Variants in CD99L2 observed in about 807,000 individuals in gnomAD.
The protein encoded by CD99L2 is CD99 molecule like 2, also known as CD99 antigen-like protein 2.
CD99L2 carries 24 observed loss-of-function variants against 27.3 expected under a neutral mutation model. The ratio of observed to expected loss-of-function variants is 0.88; its 90% confidence interval spans 0.64 to 1.24. The LOEUF is 1.24. CD99L2 is among the 50% of genes most tolerant of loss of function. CD99L2 has a pLI of 0.00. For synonymous variants in CD99L2, 97 were observed against 87.9 expected (o/e 1.10, Z -0.58); for missense variants, 255 against 221.6 (o/e 1.15, Z -0.96).
At chrX:150,770,596 AACG>A (rs1399653019) in intron 9 of CD99L2, among the ~76,000 whole-genome samples, 31 of 112,466 alleles carry the variant, frequency 2.8e-4, no homozygotes, top group Non-Finnish European at 5.1e-4. Context: ...CAGAAATAAC[AACG>A]ACATGCAGCG....
At chrX:150,795,690 G>A (rs782460841) in intron 4 of CD99L2, among the ~76,000 whole-genome samples, 1 of 111,771 alleles carries the variant, frequency 8.9e-6, no homozygotes, top group Admixed American at 9.5e-5. Context: ...TTTTCTTCAG[G>A]GGATGGGGGT....
chrX:150,862,537 A>G (rs1323989284), intron 1 of CD99L2, among the ~76,000 whole-genome samples: 1 of 112,480 alleles, frequency 8.9e-6, no homozygotes, highest in East Asian at 2.8e-4. Context: ...CCTTGAGTTT[A>G]GCCAGTGAGA....
chrX:150,848,120 C>G (rs192252617), intron 1 of CD99L2, among the ~76,000 whole-genome samples: 340 of 107,753 alleles, frequency 3.2e-3, no homozygotes, highest in East Asian at 0.015. Flanking sequence ...GGCCCCCCCC[C>G]CCTTGTACTA....
At chrX:150,882,344 T>C (rs1213583300) in intron 1 of CD99L2, among the ~76,000 whole-genome samples, 4 of 112,441 alleles carry the variant, frequency 3.6e-5, no homozygotes, top group South Asian at 3.7e-4. Flanking sequence ...CTAGAAATAA[T>C]GTTCATCCAA....
intron 7 of CD99L2, among the ~76,000 whole-genome samples, chrX:150,784,806 C>G (rs782498139): frequency 8.9e-6 from 1 of 112,376 alleles, no homozygotes; most frequent in Non-Finnish European, 1.9e-5. Flanking sequence ...CACAGGAAGC[C>G]CAGTCTAGCA....
intron 1 of CD99L2, among the ~76,000 whole-genome samples, chrX:150,845,474 T>C (rs1009494434): frequency 9.0e-6 from 1 of 111,697 alleles, no homozygotes; most frequent in Admixed American, 9.5e-5. Context: ...TGTGTCTCCA[T>C]ATACTGTCCC....
In CD99L2 at chrX:150,766,471, A is replaced by C. The variant is rs2043314230; in HGVS notation, c.*2563T>G. Reference sequence around the variant, plus strand: ...CCCATTTCTTCCTCAGGGCCCTGGCACTGAACCCCAGCCCCTGTCCCAGAG... The same window carrying C: ...CCCATTTCTTCCTCAGGGCCCTGGCCCTGAACCCCAGCCCCTGTCCCAGAG... On this transcript the variant is annotated 3_prime_UTR_variant, in exon 11 of 11. Transcript: ENST00000370377. The C allele has an allele frequency of 9.0e-6, 1 of 111,190 alleles. No individual in the cohort carries two copies. The highest frequency in any genetic ancestry group is 9.5e-5 in the Admixed American group (1 of 10,529). The allele number at this position is 111,190 out of a possible 1,213,427, so 9.2% of individuals were successfully genotyped here.
intron 1 of CD99L2, among the ~76,000 whole-genome samples, chrX:150,853,779 T>G (rs1557421664): frequency 8.9e-6 from 1 of 112,005 alleles, no homozygotes. Flanking sequence ...CCCATTTAGC[T>G]GAAACAATCC....
intron 1 of CD99L2, among the ~76,000 whole-genome samples, chrX:150,855,665 C>A (rs782803819): frequency 9.0e-6 from 1 of 111,414 alleles, no homozygotes; most frequent in Non-Finnish European, 1.9e-5. Flanking sequence ...AACCATATCA[C>A]TGGTGTCCTT....
intron 8 of CD99L2, chrX:150,777,095 T>C (rs1365357998): frequency 7.6e-6 from 2 of 263,134 alleles, no homozygotes; most frequent in South Asian, 8.0e-5. Context: ...ACATAAGCAA[T>C]TGGGCAGAGG....
At chrX:150,832,981 G>A (rs1557421108) in intron 1 of CD99L2, among the ~76,000 whole-genome samples, 1 of 108,411 alleles carries the variant, frequency 9.2e-6, no homozygotes. Context: ...CATGAACCCA[G>A]GAGGCAGTGC....
intron 1 of CD99L2, among the ~76,000 whole-genome samples, chrX:150,889,624 C>T (rs1557422720): frequency 8.9e-6 from 1 of 112,298 alleles, no homozygotes; most frequent in Non-Finnish European, 1.9e-5. Context: ...CTAACAATGA[C>T]AGCTAGATGT....
At chrX:150,814,813 T>C in intron 4 of CD99L2, 49 bp downstream of exon 4, 3 of 1,092,297 alleles carry the variant, frequency 2.7e-6, no homozygotes, top group Non-Finnish European at 3.8e-6. Flanking sequence ...GTTGATGTTG[T>C]AATTAATGAG....
At chrX:150,807,074 G>A (rs908448612) in intron 4 of CD99L2, among the ~76,000 whole-genome samples, 4 of 111,344 alleles carry the variant, frequency 3.6e-5, no homozygotes, top group African/African-American at 1.3e-4. Flanking sequence ...ATACAGTTCT[G>A]TCACTTTGAC....
chrX:150,848,479 C>T (rs1389676582), intron 1 of CD99L2, among the ~76,000 whole-genome samples: 1 of 106,523 alleles, frequency 9.4e-6, no homozygotes, highest in Admixed American at 1.0e-4. Context: ...ACAATGTGAA[C>T]ACCCTTAACA....
intron 2 of CD99L2, among the ~76,000 whole-genome samples, chrX:150,817,921 C>A (rs1374619324): frequency 1.3e-4 from 14 of 110,333 alleles, no homozygotes; most frequent in Middle Eastern, 4.3e-3. Context: ...CAAACAACAA[C>A]CATAAGAGAG....
At chrX:150,796,181 A>G (rs2045793846) in intron 4 of CD99L2, among the ~76,000 whole-genome samples, 1 of 112,410 alleles carries the variant, frequency 8.9e-6, no homozygotes, top group Admixed American at 9.4e-5. Context: ...CTGGGAGAGA[A>G]ACAGCGATGT....
In CD99L2 at chrX:150,768,925, A is replaced by C. The variant is rs974160059; in HGVS notation, c.*109T>G. ...ATCCGGGAAACTCAGACCAACAAGG[A>C]GCCGATGGCACAGAGCAGCACAGCA... On this transcript the variant is annotated 3_prime_UTR_variant, in exon 11 of 11. Transcript: ENST00000370377. 4.2e-5 allele frequency: 45 copies of C among 1,067,321 alleles called. No homozygotes were observed. In the African/African-American group the frequency reaches 5.9e-4, roughly 14 times the overall value. The allele number at this position is 1,067,321 out of a possible 1,213,427, so 88.0% of individuals were successfully genotyped here.
intron 10 of CD99L2, 74 bp from the exon 11 acceptor site, chrX:150,769,175 C>T (rs782249902): frequency 1.3e-4 from 135 of 1,075,579 alleles, no homozygotes; most frequent in South Asian, 5.3e-4. Flanking sequence ...GCAGCAAGCC[C>T]GTGCTGGGAA....
Sources: gnomAD v4.1 joint callset for allele counts (sites outside exome capture counted in the v4.1 genomes callset) on GRCh38, gnomAD v4.1.1 for gene constraint, MANE v1.5 for transcripts, NCBI Gene and HGNC (gene_info 2026-07-23, HGNC 2026-07-21) for gene names.